The following TENM2 variants were observed in gnomAD, a reference collection of about 807,000 sequenced individuals.
TENM2 encodes teneurin transmembrane protein 2, also known as teneurin-2.
TENM2 carries 52 observed loss-of-function variants against 245.2 expected under a neutral mutation model. The ratio of observed to expected loss-of-function variants is 0.21; its 90% confidence interval spans 0.17 to 0.27. TENM2 has a LOEUF of 0.27. TENM2 is among the 10% of genes least tolerant of loss of function. The pLI is 1.00. For missense variants in TENM2, 3,046 were observed against 3,666.8 expected, an observed-to-expected ratio of 0.83 and a Z score of 4.37; for synonymous variants, 1,363 against 1,438.9, an observed-to-expected ratio of 0.95 and a Z score of 1.19.
At chr5:167,905,010 A>G (rs1277958781) in intron 3 of TENM2, among the ~76,000 whole-genome samples, 2 of 152,198 alleles carry the variant, frequency 1.3e-5, no homozygotes, top group Admixed American at 1.3e-4. Context: ...ACTGACATAT[A>G]TATTTCAGGA....
intron 2 of TENM2, among the ~76,000 whole-genome samples, chr5:167,451,073 A>C (rs1037728940): frequency 2.0e-5 from 3 of 152,148 alleles, no homozygotes; most frequent in Non-Finnish European, 1.5e-5. Context: ...ATGTATTTCC[A>C]CTTCTGTACA....
chr5:167,417,220 T>A (rs1763216700), intron 2 of TENM2, among the ~76,000 whole-genome samples: 1 of 152,160 alleles, frequency 6.6e-6, no homozygotes, highest in Non-Finnish European at 1.5e-5. Context: ...AGCACTCTTA[T>A]CTGGGAGTTA....
At chr5:167,666,023 C>T (rs1017236383) in intron 2 of TENM2, among the ~76,000 whole-genome samples, 2 of 152,128 alleles carry the variant, frequency 1.3e-5, no homozygotes, top group African/African-American at 4.8e-5. Flanking sequence ...TCTACTAGAC[C>T]AGAGGCAGAG....
chr5:167,556,400 A>G (rs2127631580), intron 2 of TENM2, among the ~76,000 whole-genome samples: 1 of 124,356 alleles, frequency 8.0e-6, no homozygotes, highest in East Asian at 2.4e-4. Flanking sequence ...TTTCTCTTTC[A>G]TATATATGTA....
the TENM2 span, among the ~76,000 whole-genome samples, chr5:166,992,714 G>A: frequency 7.9e-5 from 12 of 152,156 alleles, no homozygotes; most frequent in Non-Finnish European, 1.5e-4. Flanking sequence ...GGAGCCTCCA[G>A]GGGGTCTAAG....
chr5:167,362,945 A>G (rs924131298), intron 1 of TENM2, among the ~76,000 whole-genome samples: 1 of 152,112 alleles, frequency 6.6e-6, no homozygotes, highest in Non-Finnish European at 1.5e-5. Context: ...TGTTACACAC[A>G]CCTACACACG....
the TENM2 span, among the ~76,000 whole-genome samples, chr5:167,170,094 T>C: frequency 6.6e-6 from 1 of 152,352 alleles, no homozygotes; most frequent in Non-Finnish European, 1.5e-5. Context: ...GGTACATCTA[T>C]TGGCTGGAGT....
chr5:167,989,315 G>A (rs1783495880), intron 4 of TENM2, among the ~76,000 whole-genome samples: 1 of 150,668 alleles, frequency 6.6e-6, no homozygotes, highest in Non-Finnish European at 1.5e-5. Context: ...ATAGATTTGT[G>A]AGTGCACAAA....
intron 2 of TENM2, among the ~76,000 whole-genome samples, chr5:167,385,851 T>G (rs1761397450): frequency 7.5e-6 from 1 of 132,512 alleles, no homozygotes; most frequent in African/African-American, 3.2e-5. Context: ...TTCCATTATA[T>G]ATATATGTGT....
intron 2 of TENM2, among the ~76,000 whole-genome samples, chr5:167,709,823 G>A (rs1758786924): frequency 6.6e-6 from 1 of 152,184 alleles, no homozygotes; most frequent in African/African-American, 2.4e-5. Flanking sequence ...GAGTGAGAGA[G>A]TGTGGGAGGA....
chr5:167,196,863 T>G, the TENM2 span, among the ~76,000 whole-genome samples: 1 of 151,838 alleles, frequency 6.6e-6, no homozygotes, highest in African/African-American at 2.4e-5. Flanking sequence ...GTAAGGAACT[T>G]AGGCATCTTT....
intron 2 of TENM2, among the ~76,000 whole-genome samples, chr5:167,419,938 G>A (rs891119862): frequency 6.6e-6 from 1 of 152,190 alleles, no homozygotes; most frequent in African/African-American, 2.4e-5. Context: ...GCAGCAGAGA[G>A]CATGATTGGA....
At chr5:167,659,564 A>G (rs1755069130) in intron 2 of TENM2, among the ~76,000 whole-genome samples, 1 of 152,194 alleles carries the variant, frequency 6.6e-6, no homozygotes, top group Non-Finnish European at 1.5e-5. Flanking sequence ...GTTTTGAAAC[A>G]CTATTCGTTT....
the TENM2 span, among the ~76,000 whole-genome samples, chr5:167,231,468 A>G: frequency 6.6e-6 from 1 of 152,216 alleles, no homozygotes; most frequent in African/African-American, 2.4e-5. Flanking sequence ...TGTTTTAGCA[A>G]GGAGACTAGC....
At chr5:167,248,928 C>A in the TENM2 span, among the ~76,000 whole-genome samples, 2 of 151,940 alleles carry the variant, frequency 1.3e-5, no homozygotes, top group Non-Finnish European at 2.9e-5. Context: ...AAACTGCAGG[C>A]CCCCAAAAGA....
At chr5:167,651,906 G>GTA (rs996878895) in intron 2 of TENM2, among the ~76,000 whole-genome samples, 14 of 152,134 alleles carry the variant, frequency 9.2e-5, no homozygotes, top group African/African-American at 3.1e-4. Flanking sequence ...CCAGAAGAGA[G>GTA]TATAGCACAG....
chr5:167,403,438 A>G (rs1762470074), intron 2 of TENM2, among the ~76,000 whole-genome samples: 1 of 152,164 alleles, frequency 6.6e-6, no homozygotes, highest in African/African-American at 2.4e-5. Flanking sequence ...TAATAAACTT[A>G]CTTTAAATCA....
chr5:167,362,766 A>G (rs1379462994), intron 1 of TENM2, among the ~76,000 whole-genome samples: 1 of 152,204 alleles, frequency 6.6e-6, no homozygotes, highest in Non-Finnish European at 1.5e-5. Context: ...ATGCAGCTTA[A>G]CTAAAAACTG....
At chr5:168,080,319 CT>C (rs1450702884) in intron 7 of TENM2, among the ~76,000 whole-genome samples, 1 of 152,134 alleles carries the variant, frequency 6.6e-6, no homozygotes, top group African/African-American at 2.4e-5. Context: ...ATTCTTCTCT[CT>C]TTTCTTCTTT....
Sources: allele counts gnomAD v4.1 joint callset (sites outside exome capture counted in the v4.1 genomes callset), GRCh38; gene constraint gnomAD v4.1.1; transcripts MANE v1.5; gene names NCBI Gene and HGNC (gene_info 2026-07-23, HGNC 2026-07-21).